Variants in ATP2C1 observed in about 807,000 individuals in gnomAD.
ATP2C1 encodes ATPase secretory pathway Ca2+ transporting 1.
A neutral mutation model predicts 120.5 loss-of-function variants in ATP2C1; 31 were observed. That is an observed-to-expected ratio of 0.26 (90% CI 0.19 to 0.35). ATP2C1 has a LOEUF of 0.35. ATP2C1 is among the 10% of genes least tolerant of loss of function. The pLI, the probability that ATP2C1 is intolerant of heterozygous loss-of-function variation, is 1.00. For missense variants in ATP2C1, 731 were observed against 1,107.5 expected (o/e 0.66, Z 4.83); for synonymous variants, 351 against 358.7 (o/e 0.98, Z 0.24).
chr3:130,955,851 T>C, intron 10 of ATP2C1: 1 of 380,846 alleles, frequency 2.6e-6, no homozygotes, highest in Non-Finnish European at 4.9e-6. Flanking sequence ...AAAGGAAGCA[T>C]AGAGAGAACG....
chr3:130,969,100 C>T lies in ATP2C1; in HGVS notation c.1309-192C>T, dbSNP rs540914822. 3.3e-5 allele frequency among the ~76,000 whole-genome samples: 5 copies of T among 152,254 alleles called. No individual in the cohort carries two copies. In the East Asian group the frequency reaches 7.7e-4, roughly 24 times the overall value. The stretch of plus-strand genomic sequence containing the variant: ...CCTGCCTTAGACTATATCTACATAC[C>T]TGGGCTTTCATGTTGAAAATGTATG... On this transcript the variant is annotated intron_variant, in intron 16 of 27. Coordinates refer to ENST00000510168, the MANE Select transcript of ATP2C1 (RefSeq NM_001378687.1).
intron 1 of ATP2C1, among the ~76,000 whole-genome samples, chr3:130,883,091 G>T (rs2068838447): frequency 1.3e-5 from 2 of 152,078 alleles, no homozygotes; most frequent in South Asian, 2.1e-4. Context: ...ATGTGTCTAG[G>T]AATTTACCCA....
chr3:130,915,386 G>A (rs1399380807), intron 2 of ATP2C1, among the ~76,000 whole-genome samples: 4 of 152,072 alleles, frequency 2.6e-5, no homozygotes, highest in Admixed American at 6.5e-5. Flanking sequence ...GAGCTACTGC[G>A]CCCGGCCTAA....
At chr3:130,993,882 A>G (rs2062473263) in intron 21 of ATP2C1, 50 bp from the exon 22 acceptor site, 1 of 1,601,856 alleles carries the variant, frequency 6.2e-7, no homozygotes, top group African/African-American at 1.3e-5. Flanking sequence ...TATGGAAGCA[A>G]CATTTTTATC....
At chr3:130,852,793 TG>T (rs1024204672) in intron 1 of ATP2C1, among the ~76,000 whole-genome samples, 1 of 152,212 alleles carries the variant, frequency 6.6e-6, no homozygotes, top group Non-Finnish European at 1.5e-5. Flanking sequence ...CTTACATTCT[TG>T]TATAACTAAT....
upstream of ATP2C1, among the ~76,000 whole-genome samples, chr3:130,892,524 A>G (rs1311730380): frequency 1.3e-5 from 2 of 152,090 alleles, no homozygotes; most frequent in African/African-American, 4.8e-5. Context: ...TCGCTGAATA[A>G]AAGTTCAATA....
At chr3:130,850,789 G>A (rs886816871) in exon 1 of ATP2C1, 1 of 1,080,066 alleles carries the variant, frequency 9.3e-7, no homozygotes, top group Non-Finnish European at 1.3e-6. Context: ...TGACAAGGAG[G>A]TGCAGACAAG....
chr3:130,902,325 G>A (rs1193637544), intron 2 of ATP2C1, among the ~76,000 whole-genome samples: 1 of 107,434 alleles, frequency 9.3e-6, no homozygotes, highest in African/African-American at 4.2e-5. Context: ...TTTTTTTTCT[G>A]AGAGGTGAGT....
intron 6 of ATP2C1, among the ~76,000 whole-genome samples, chr3:130,938,896 C>T (rs2059782390): frequency 6.6e-6 from 1 of 152,208 alleles, no homozygotes; most frequent in South Asian, 2.1e-4. Context: ...TTTCAAAAAA[C>T]ACCACAAAAT....
chr3:131,004,976 A>T (rs983163882), downstream of ATP2C1, among the ~76,000 whole-genome samples: 18 of 152,180 alleles, frequency 1.2e-4, no homozygotes, highest in Non-Finnish European at 2.6e-4. Context: ...TAACATGCTG[A>T]TGGAAGCACA....
chr3:130,866,378 A>G (rs989740152), intron 1 of ATP2C1, among the ~76,000 whole-genome samples: 1 of 152,242 alleles, frequency 6.6e-6, no homozygotes, highest in Non-Finnish European at 1.5e-5. Flanking sequence ...CTTTAAGGAT[A>G]AAATTATTTG....
intron 2 of ATP2C1, among the ~76,000 whole-genome samples, chr3:130,911,273 T>A (rs1245430952): frequency 6.8e-6 from 1 of 147,906 alleles, no homozygotes; most frequent in Non-Finnish European, 1.5e-5. Flanking sequence ...TAGTTTGTAT[T>A]TCTGTGGGAT....
At chr3:130,931,816 T>C (rs951247000) in intron 3 of ATP2C1, among the ~76,000 whole-genome samples, 5 of 152,076 alleles carry the variant, frequency 3.3e-5, no homozygotes, top group African/African-American at 1.2e-4. Flanking sequence ...TCCAGAAAGC[T>C]CCCCCATGTC....
chr3:130,924,634 G>T (rs1162473713), intron 2 of ATP2C1, among the ~76,000 whole-genome samples: 2 of 152,116 alleles, frequency 1.3e-5, no homozygotes, highest in Non-Finnish European at 2.9e-5. Context: ...GACCGGGGAA[G>T]TTTTCCTTGA....
rs2062970980 is a variant in ATP2C1 at position 131,003,136 on chromosome 3, G to A, written c.*1786G>A. 1.0e-6 allele frequency: 1 copy of A among 982,424 alleles called. No individual in the cohort carries two copies. Among genetic ancestry groups the A allele is most frequent in the Non-Finnish European group, 1.2e-6 (1 of 826,854 alleles). 60.9% of individuals were successfully genotyped at this position (982,424 alleles called of 1,614,324 possible). On this transcript the variant is annotated 3_prime_UTR_variant, in exon 28 of 28. Coordinates refer to ENST00000510168, the MANE Select transcript of ATP2C1 (RefSeq NM_001378687.1). ...TGCTTTGTACTATAAAAATAAAAAT[G>A]ATTTCTTAAGTTAATGACATCCCAG...
chr3:130,940,997 C>T (rs771945492), intron 7 of ATP2C1, among the ~76,000 whole-genome samples: 25 of 124,654 alleles, frequency 2.0e-4, no homozygotes, highest in African/African-American at 6.7e-4. Flanking sequence ...TCACTGCAAG[C>T]TCCATCTGCC....
chr3:130,974,494 T>C (rs1436475322), intron 17 of ATP2C1, among the ~76,000 whole-genome samples: 2 of 152,180 alleles, frequency 1.3e-5, no homozygotes, highest in Non-Finnish European at 1.5e-5. Context: ...TACCTGACCG[T>C]TGTGGAGTGA....
At chr3:130,874,526 C>T (rs1016729464) in intron 1 of ATP2C1, among the ~76,000 whole-genome samples, 6 of 152,160 alleles carry the variant, frequency 3.9e-5, no homozygotes, top group African/African-American at 1.4e-4. Context: ...ACCTATTAAT[C>T]TAAACTAAAT....
chr3:130,975,513 C>T lies in ATP2C1; in HGVS notation c.1570+25C>T, dbSNP rs772837126. ...GGTAAGGCTATTTCAGCATAGTCCCCTGGGGTGGAAAGGTAGAGCCTTCTT... is the reference window on the plus strand; with the variant it reads ...GGTAAGGCTATTTCAGCATAGTCCCTTGGGGTGGAAAGGTAGAGCCTTCTT... On this transcript the variant is annotated intron_variant, in intron 18 of 27. Transcript: ENST00000510168. 4 of 1,611,776 alleles carry T rather than the reference C, an allele frequency of 2.5e-6. No individual in the cohort carries two copies. In the Admixed American group the frequency reaches 5.0e-5, roughly 20 times the overall value.
Sources: allele counts gnomAD v4.1 joint callset (sites outside exome capture counted in the v4.1 genomes callset), GRCh38; gene constraint gnomAD v4.1.1; transcripts MANE v1.5; gene names NCBI Gene and HGNC (gene_info 2026-07-23, HGNC 2026-07-21).